NEGR1: variants seen among roughly 807,000 people sequenced by gnomAD.
NEGR1 encodes the protein neuronal growth regulator 1.
NEGR1 carries 10 observed loss-of-function variants against 40.9 expected under a neutral mutation model. That is an observed-to-expected ratio of 0.24 (90% CI 0.15 to 0.42). The LOEUF is 0.42. NEGR1 is among the 10% of genes least tolerant of loss of function. The pLI is 1.00. For synonymous variants in NEGR1, 185 were observed against 166.8 expected (o/e 1.11, Z -0.84); for missense variants, 352 against 438.9 (o/e 0.80, Z 1.77).
intron 1 of NEGR1, among the ~76,000 whole-genome samples, chr1:72,117,066 G>A (rs545443762): frequency 2.4e-4 from 36 of 151,796 alleles, no homozygotes; most frequent in African/African-American, 8.0e-4. Flanking sequence ...TGATGGCACT[G>A]CAAGCCATTT....
At position 71,398,404 on chromosome 1, in the gene NEGR1, C is replaced by T. The variant is rs139122078; in HGVS notation, c.*9042G>A. 2.1e-3 allele frequency: 332 copies of T among 156,282 alleles called. No homozygotes were observed. Among genetic ancestry groups the T allele is most frequent in the Middle Eastern group, 3.2e-3 (1 of 316 alleles). The allele number at this position is 156,282 out of a possible 1,614,324, so 9.7% of individuals were successfully genotyped here. ...GGCCATGGGAGCCCACCTCTTGCATCAGCATGACCTGGATGTGAGAAATGG... is the reference window on the plus strand; with the variant it reads ...GGCCATGGGAGCCCACCTCTTGCATTAGCATGACCTGGATGTGAGAAATGG... On this transcript the variant is annotated 3_prime_UTR_variant, in exon 7 of 7. Coordinates refer to ENST00000357731, the MANE Select transcript of NEGR1 (RefSeq NM_173808.3).
chr1:71,935,429 C>A, intron 1 of NEGR1, 118 bp from the exon 2 acceptor site: 1 of 669,806 alleles, frequency 1.5e-6, no homozygotes, highest in Non-Finnish European at 2.6e-6. Flanking sequence ...ATGCAAACAT[C>A]AGACATTAAC....
chr1:71,795,544 C>A (rs1321253508), intron 2 of NEGR1, among the ~76,000 whole-genome samples: 1 of 152,082 alleles, frequency 6.6e-6, no homozygotes, highest in African/African-American at 2.4e-5. Flanking sequence ...TCCATGGAAT[C>A]TCTGTACTAG....
intron 1 of NEGR1, among the ~76,000 whole-genome samples, chr1:72,234,831 T>C (rs186762764): frequency 6.6e-6 from 1 of 152,252 alleles, no homozygotes; most frequent in African/African-American, 2.4e-5. Flanking sequence ...TATACACTAT[T>C]AGTGGGAGTT....
intron 3 of NEGR1, among the ~76,000 whole-genome samples, chr1:71,707,160 T>A (rs1653928918): frequency 6.6e-6 from 1 of 152,094 alleles, no homozygotes; most frequent in South Asian, 2.1e-4. Flanking sequence ...TTTGGGTCCC[T>A]ACACTGCCAC....
intron 1 of NEGR1, among the ~76,000 whole-genome samples, chr1:72,226,134 A>G (rs995969451): frequency 3.3e-5 from 5 of 151,912 alleles, no homozygotes; most frequent in African/African-American, 9.6e-5. Context: ...CTTAATCAAG[A>G]TCTAAACTTT....
At chr1:71,520,490 T>A (rs1262077185) in intron 6 of NEGR1, among the ~76,000 whole-genome samples, 1 of 152,098 alleles carries the variant, frequency 6.6e-6, no homozygotes, top group Non-Finnish European at 1.5e-5. Flanking sequence ...ATACATGGTT[T>A]TGTCTCAATG....
chr1:71,598,332 T>C (rs889179947), intron 5 of NEGR1, among the ~76,000 whole-genome samples: 4 of 152,210 alleles, frequency 2.6e-5, no homozygotes, highest in Admixed American at 2.0e-4. Flanking sequence ...ATGTGTCACC[T>C]ATGCCAGGAA....
chr1:72,177,244 A>T (rs1165915563), intron 1 of NEGR1, among the ~76,000 whole-genome samples: 1 of 152,082 alleles, frequency 6.6e-6, no homozygotes, highest in Non-Finnish European at 1.5e-5. Context: ...GTATATTTTT[A>T]GCAACCGACA....
At chr1:72,233,118 C>T (rs1570154030) in intron 1 of NEGR1, among the ~76,000 whole-genome samples, 4 of 152,064 alleles carry the variant, frequency 2.6e-5, no homozygotes, top group African/African-American at 9.7e-5. Context: ...GGTAATACAG[C>T]TTCTATACCC....
intron 1 of NEGR1, among the ~76,000 whole-genome samples, chr1:72,059,307 A>T (rs916417774): frequency 6.6e-6 from 1 of 151,580 alleles, no homozygotes; most frequent in Non-Finnish European, 1.5e-5. Context: ...TCCACAATCA[A>T]TGGTCTGATC....
intron 1 of NEGR1, among the ~76,000 whole-genome samples, chr1:71,936,308 T>G (rs536188478): frequency 1.3e-5 from 2 of 152,350 alleles, no homozygotes; most frequent in African/African-American, 4.8e-5. Context: ...AAGCATTCAT[T>G]TAGCTAGCAA....
At chr1:71,694,043 T>C (rs931548698) in intron 4 of NEGR1, among the ~76,000 whole-genome samples, 2 of 151,770 alleles carry the variant, frequency 1.3e-5, no homozygotes, top group African/African-American at 4.8e-5. Flanking sequence ...TTTTTTGTTT[T>C]GTTTTTCAAT....
At chr1:71,513,866 C>T (rs940811658) in intron 6 of NEGR1, among the ~76,000 whole-genome samples, 10 of 148,982 alleles carry the variant, frequency 6.7e-5, no homozygotes, top group Non-Finnish European at 8.9e-5. Flanking sequence ...AGTGTGTGTG[C>T]GCACCGTGCG....
intron 1 of NEGR1, among the ~76,000 whole-genome samples, chr1:71,946,255 T>G (rs1646017883): frequency 6.6e-6 from 1 of 152,158 alleles, no homozygotes; most frequent in Non-Finnish European, 1.5e-5. Context: ...TTTTTATATT[T>G]TGTAGAGACA....
chr1:71,951,807 T>C (rs1373304192), intron 1 of NEGR1, among the ~76,000 whole-genome samples: 1 of 151,948 alleles, frequency 6.6e-6, no homozygotes, highest in East Asian at 1.9e-4. Context: ...ATGTGCTCAC[T>C]TCATGTCTCT....
intron 6 of NEGR1, among the ~76,000 whole-genome samples, chr1:71,568,941 G>T (rs1246832646): frequency 6.8e-6 from 1 of 147,854 alleles, no homozygotes; most frequent in Non-Finnish European, 1.5e-5. Context: ...TTTTGGAGAC[G>T]GAGTCTCGCT....
chr1:72,122,999 G>C (rs116722203), intron 1 of NEGR1, among the ~76,000 whole-genome samples: 1,739 of 151,876 alleles, frequency 0.011, 27 homozygotes, highest in African/African-American at 0.04. Flanking sequence ...AACATTCCTG[G>C]AATACCCTTT....
intron 1 of NEGR1, among the ~76,000 whole-genome samples, chr1:72,051,389 T>A (rs1037731487): frequency 6.6e-6 from 1 of 151,490 alleles, no homozygotes. Flanking sequence ...AAGAAACACT[T>A]CTTTTGGCAC....
Sources: gnomAD v4.1 joint callset for allele counts (sites outside exome capture counted in the v4.1 genomes callset) on GRCh38, gnomAD v4.1.1 for gene constraint, MANE v1.5 for transcripts, NCBI Gene and HGNC (gene_info 2026-07-23, HGNC 2026-07-21) for gene names.